The following OTUD7B variants were observed in gnomAD, a reference collection of about 807,000 sequenced individuals.
OTUD7B encodes the protein OTU domain-containing protein 7B.
OTUD7B carries 34 observed loss-of-function variants against 82.2 expected under a neutral mutation model. That is an observed-to-expected ratio of 0.41 (90% CI 0.31 to 0.55). The LOEUF is 0.55. Among genes scored for constraint, OTUD7B ranks in the 20% least tolerant of loss-of-function variants. OTUD7B has a pLI of 0.20. For synonymous variants in OTUD7B, 398 were observed against 402.7 expected (o/e 0.99, Z 0.14); for missense variants, 944 against 1,062.1 (o/e 0.89, Z 1.55).
chr1:150,024,195 G>C, the OTUD7B span, among the ~76,000 whole-genome samples: 1 of 152,274 alleles, frequency 6.6e-6, no homozygotes, highest in Non-Finnish European at 1.5e-5. Flanking sequence ...GCTTTTCTAA[G>C]AGCCTGTGAT....
Position 149,965,847 on chromosome 1 carries a change from G to T in OTUD7B, c.534C>A (p.Pro178=). The part of the protein sequence containing the change: ...GRLNWWVSVD[P]TSQRLLPLAT... Reference sequence around the variant, plus strand: ...CCAAAGGAAGCAGCCTCTGAGAGGTGGGATCCACACTCACCCACCAGTTCA... The same window carrying T: ...CCAAAGGAAGCAGCCTCTGAGAGGTTGGATCCACACTCACCCACCAGTTCA... The change falls in exon 5 of 12, where the codon CCC becomes CCA. Residue 178 remains proline, a synonymous_variant. Coordinates refer to ENST00000581312, the MANE Select transcript of OTUD7B (RefSeq NM_020205.4). 1 of 1,614,042 alleles carries T rather than the reference G, an allele frequency of 6.2e-7. No individual in the cohort carries two copies. The highest frequency in any genetic ancestry group is 8.5e-7 in the Non-Finnish European group (1 of 1,179,958).
At chr1:150,061,575 G>A in the OTUD7B span, among the ~76,000 whole-genome samples, 36 of 152,126 alleles carry the variant, frequency 2.4e-4, no homozygotes, top group Non-Finnish European at 4.0e-4. Flanking sequence ...TTCCTTTCAT[G>A]ACCGCACATA....
In OTUD7B at chr1:149,951,721, T is replaced by C. The variant is rs587609216; in HGVS notation, c.846-1500A>G. Among the ~76,000 whole-genome samples the C allele has an allele frequency of 2.0e-5, 3 of 152,334 alleles. No homozygotes were observed. The East Asian group carries it at 5.8e-4, about 29-fold the overall frequency. On this transcript the variant is annotated intron_variant, in intron 7 of 11. Transcript: ENST00000581312. ...GGTGGAGGTCCAGAAATCAGCTTTT[T>C]AAATAACTCTCCCAGATTATTCTTA... is the stretch of plus-strand genomic sequence containing the variant.
At chr1:150,015,290 C>CTTTCT (rs370684965), upstream of OTUD7B, among the ~76,000 whole-genome samples, 1 of 128,974 alleles carries the variant, frequency 7.8e-6, no homozygotes, top group African/African-American at 3.1e-5. Flanking sequence ...TTTTCTTTCT[C>CTTTCT]TTTTTTTTTT....
In OTUD7B at chr1:149,964,269, C is replaced by A; in HGVS notation, c.685G>T (p.Ala229Ser). 1 of 1,614,054 alleles carries A rather than the reference C, an allele frequency of 6.2e-7. No individual in the cohort carries two copies. The highest frequency in any genetic ancestry group is 8.5e-7 in the Non-Finnish European group (1 of 1,180,024). The change falls in exon 6 of 12, where the codon GCG becomes TCG. Residue 229 changes from alanine (A) to serine (S), a missense_variant. Coordinates refer to ENST00000581312, the MANE Select transcript of OTUD7B (RefSeq NM_020205.4). The part of the protein sequence containing the change: ...ALMEKGVEKE[A>S]LKRRWRWQQT... ...TGCCACCTCCAGCGCCTTTTCAACGCTTCCTTCTCAACTCCCTTCTCCATC... is the reference window on the plus strand; with the variant it reads ...TGCCACCTCCAGCGCCTTTTCAACGATTCCTTCTCAACTCCCTTCTCCATC...
rs1166109166 is a variant in OTUD7B at position 149,944,611 on chromosome 1, A to G, written c.1778T>C (p.Met593Thr). Residue 593 changes from methionine to threonine, a missense_variant, in exon 12 of 12, where the codon ATG becomes ACG. Physicochemically the swap from Met to Thr is moderately conservative, Grantham distance 81 (BLOSUM62 -1). Transcript: ENST00000581312. ...AGTCCTCAGAATGCTCAGGCTCTGC[A>G]TCACCTCCTGGCTATACTTGCTCCC... ...NGGSKYSQEV[M>T]QSLSILRTAM... 4 of 1,613,934 alleles carry G rather than the reference A, an allele frequency of 2.5e-6. No individual in the cohort carries two copies. Among genetic ancestry groups the G allele is most frequent in the Non-Finnish European group, 2.5e-6 (3 of 1,180,020 alleles).
chr1:149,949,558 C>G, intron 9 of OTUD7B, 71 bp downstream of exon 9: 3 of 1,494,486 alleles, frequency 2.0e-6, no homozygotes, highest in Non-Finnish European at 2.8e-6. Context: ...TAATTCTTTC[C>G]TCCTACATTA....
chr1:149,972,067 C>T (rs1649977502), intron 2 of OTUD7B, among the ~76,000 whole-genome samples: 1 of 152,130 alleles, frequency 6.6e-6, no homozygotes, highest in Non-Finnish European at 1.5e-5. Context: ...TTACCACTGC[C>T]TACAGAATAA....
chr1:150,023,168 G>A, the OTUD7B span, among the ~76,000 whole-genome samples: 6 of 152,192 alleles, frequency 3.9e-5, no homozygotes, highest in Admixed American at 3.3e-4. Context: ...ATGGAGAAAA[G>A]GGGACCCAGC....
chr1:150,044,790 C>T, the OTUD7B span, among the ~76,000 whole-genome samples: 2 of 151,904 alleles, frequency 1.3e-5, no homozygotes. Flanking sequence ...AACACATCTA[C>T]TCCTTCCAAC....
chr1:149,984,311 G>A (rs905886770), intron 1 of OTUD7B, among the ~76,000 whole-genome samples: 5 of 152,060 alleles, frequency 3.3e-5, no homozygotes, highest in African/African-American at 9.7e-5. Flanking sequence ...ATTTGTTGGC[G>A]GTTACTCTCC....
chr1:150,011,673 C>G (rs1429796143), upstream of OTUD7B, among the ~76,000 whole-genome samples: 1 of 152,166 alleles, frequency 6.6e-6, no homozygotes, highest in Non-Finnish European at 1.5e-5. Context: ...CTCTTTATGA[C>G]AAACACAAAA....
chr1:150,015,591 G>C (rs587623277), upstream of OTUD7B, among the ~76,000 whole-genome samples: 1 of 152,088 alleles, frequency 6.6e-6, no homozygotes, highest in East Asian at 1.9e-4. Context: ...TTACAAGTGT[G>C]AGCCACCATG....
chr1:150,024,614 C>G, the OTUD7B span, among the ~76,000 whole-genome samples: 1 of 152,080 alleles, frequency 6.6e-6, no homozygotes, highest in Non-Finnish European at 1.5e-5. Flanking sequence ...AGAACAAATG[C>G]CTCAATAAAT....
the OTUD7B span, among the ~76,000 whole-genome samples, chr1:150,032,182 C>T: frequency 6.6e-6 from 1 of 151,830 alleles, no homozygotes; most frequent in East Asian, 1.9e-4. Flanking sequence ...CATTGTAGCA[C>T]ACACCTGTAA....
intron 1 of OTUD7B, among the ~76,000 whole-genome samples, chr1:149,982,128 G>C (rs1036625674): frequency 1.3e-5 from 2 of 151,980 alleles, no homozygotes; most frequent in Admixed American, 6.5e-5. Context: ...CAGCCTGGGC[G>C]ACAGAGCGAG....
At chr1:150,067,603 G>A in the OTUD7B span, 8 of 479,860 alleles carry the variant, frequency 1.7e-5, no homozygotes, top group Middle Eastern at 5.4e-4. Flanking sequence ...TCTTCAGGCC[G>A]CAGGTGGGTG....
At chr1:150,002,881 C>T (rs1435415511) in intron 1 of OTUD7B, among the ~76,000 whole-genome samples, 4 of 152,174 alleles carry the variant, frequency 2.6e-5, no homozygotes, top group Non-Finnish European at 5.9e-5. Context: ...CATCTCCAAT[C>T]CACCCTACAC....
rs782482324 is a variant in OTUD7B at position 149,967,353 on chromosome 1, C to A, written c.443G>T (p.Arg148Leu). The A allele has an allele frequency of 1.9e-6, 3 of 1,613,948 alleles. No individual in the cohort carries two copies. The highest frequency in any genetic ancestry group is 2.5e-6 in the Non-Finnish European group (3 of 1,179,986). ...AATGAGGTCTCTCTCTATGAAGCTG[C>A]GGAAGTCTTCATTGTATACAGTGAG... ...PDLTVYNEDF[R>L]SFIERDLIEQ... The change falls in exon 4 of 12, where the codon CGC becomes CTC. Residue 148 changes from arginine (R) to leucine (L), a missense_variant. Around this residue, in one of 3 missense-constraint regions of OTUD7B, gnomAD observed 530 missense variants for 625.6 expected, o/e 0.85. Coordinates refer to ENST00000581312, the MANE Select transcript of OTUD7B (RefSeq NM_020205.4).
Sources: allele counts gnomAD v4.1 joint callset (sites outside exome capture counted in the v4.1 genomes callset), GRCh38; gene constraint gnomAD v4.1.1; regional missense constraint gnomAD v4.1.1; transcripts MANE v1.5; gene names NCBI Gene and HGNC (gene_info 2026-07-23, HGNC 2026-07-21).